The following FOXK1 variants were observed in gnomAD, a reference collection of about 807,000 sequenced individuals.
The protein encoded by FOXK1 is forkhead box K1, also known as forkhead box protein K1.
A neutral mutation model predicts 51.9 loss-of-function variants in FOXK1; 19 were observed. The ratio of observed to expected loss-of-function variants is 0.37; its 90% CI spans 0.26 to 0.54. FOXK1 has a LOEUF of 0.54. Ranked by LOEUF, FOXK1 falls within the 20% of genes least tolerant of loss-of-function variation. The pLI, the probability that FOXK1 is intolerant of heterozygous loss-of-function variation, is 0.87. For missense variants in FOXK1, 870 were observed against 1,032.7 expected, an observed-to-expected ratio of 0.84 and a Z score of 2.16; for synonymous variants, 537 against 482.6, an observed-to-expected ratio of 1.11 and a Z score of -1.48.
At position 4,757,089 on chromosome 7, in the gene FOXK1, C is replaced by T. The variant is rs1396783495; in HGVS notation, c.1146C>T (p.Asp382=). 2 of 1,613,756 alleles carry T rather than the reference C, an allele frequency of 1.2e-6. No homozygotes were observed. The highest frequency in any genetic ancestry group is 2.2e-5 in the East Asian group (1 of 44,880). ...GGAAGGGGTCCTTTTGGCGAATAGA[C>T]CCTGCCTCTGAAGCCAAGCTCGTGG... ...EPGKGSFWRI[D]PASEAKLVEQ... Residue 382 remains aspartate (D), a synonymous_variant, in exon 5 of 9, where the codon GAC becomes GAT. Transcript: ENST00000328914.
chr7:4,765,506 G>A lies in FOXK1; in HGVS notation c.*3042G>A, dbSNP rs11976296. Reference sequence around the variant, plus strand: ...AGGTTCTCAAGGGTGAGCTGACCCGGGCAATGTGCAGGAATGTGGGGAGCA... The same window carrying A: ...AGGTTCTCAAGGGTGAGCTGACCCGAGCAATGTGCAGGAATGTGGGGAGCA... On this transcript the variant is annotated 3_prime_UTR_variant, in exon 9 of 9. Transcript: ENST00000328914. 23,097 of 152,410 alleles carry A rather than the reference G, an allele frequency of 0.15. 4,144 individuals carry two copies. Among genetic ancestry groups the A allele is most frequent in the African/African-American group, 0.44 (18,147 of 41,502 alleles). The allele number at this position is 152,410 out of a possible 1,614,324, so 9.4% of individuals were successfully genotyped here. A position where few individuals can be genotyped will look rare whatever the true frequency, so the allele number is the denominator to read the frequency against.
chr7:4,760,306 G>A (rs1780914641), intron 7 of FOXK1, among the ~76,000 whole-genome samples: 1 of 152,154 alleles, frequency 6.6e-6, no homozygotes, highest in Non-Finnish European at 1.5e-5. Flanking sequence ...GGCTTGACGG[G>A]GTAGACACTG....
intron 3 of FOXK1, chr7:4,754,996 A>C (rs1394904291): frequency 1.7e-6 from 1 of 574,968 alleles, no homozygotes; most frequent in Non-Finnish European, 3.1e-6. Context: ...TTTCTGGAAG[A>C]GGTGAGAAAT....
intron 1 of FOXK1, among the ~76,000 whole-genome samples, chr7:4,685,443 T>C (rs1779807053): frequency 1.3e-5 from 2 of 151,856 alleles, no homozygotes; most frequent in Non-Finnish European, 2.9e-5. Flanking sequence ...CTCGATCTCC[T>C]GACCTCGTGA....
At chr7:4,737,473 TGC>T (rs1343268958) in intron 1 of FOXK1, among the ~76,000 whole-genome samples, 1 of 150,598 alleles carries the variant, frequency 6.6e-6, no homozygotes, top group Non-Finnish European at 1.5e-5. Flanking sequence ...TGTGTGTGTG[TGC>T]GTGGGTGTGG....
At position 4,722,162 on chromosome 7, in the gene FOXK1, C is replaced by T. The variant is rs959357012; in HGVS notation, c.561-18676C>T. Among the ~76,000 whole-genome samples the T allele has an allele frequency of 3.5e-4, 53 of 152,122 alleles. No individual in the cohort carries two copies. Among genetic ancestry groups the T allele is most frequent in the African/African-American group, 1.2e-3 (50 of 41,424 alleles). ...CATCCTGCCCTGATTCAGAAGATGG[C>T]GGGGCAGGAGGTGTCTGTGTCTCAG... On this transcript the variant is annotated intron_variant, in intron 1 of 8. Coordinates refer to ENST00000328914, the MANE Select transcript of FOXK1 (RefSeq NM_001037165.2). This position sits in a 1 kb window ranked among gnomAD's most constrained non-coding sequence, Gnocchi z 5.1.
In FOXK1 at chr7:4,709,444, T is replaced by C. The variant is rs189507734; in HGVS notation, c.560+26576T>C. Reference sequence around the variant, plus strand: ...GCACAGTCCACATAGGCTGCTTATCTGGACTCGATGTCTCCGAGCAGATCG... The same window carrying C: ...GCACAGTCCACATAGGCTGCTTATCCGGACTCGATGTCTCCGAGCAGATCG... On this transcript the variant is annotated intron_variant, in intron 1 of 8. Coordinates refer to ENST00000328914, the MANE Select transcript of FOXK1 (RefSeq NM_001037165.2). The surrounding 1 kb of genome is among the most constrained non-coding windows in gnomAD (Gnocchi z 5.6). 3.9e-5 allele frequency among the ~76,000 whole-genome samples: 6 copies of C among 152,300 alleles called. No individual in the cohort carries two copies. The highest frequency in any genetic ancestry group is 8.8e-5 in the Non-Finnish European group (6 of 68,024).
rs967578304 is a variant in FOXK1 at position 4,711,345 on chromosome 7, T to A, written c.560+28477T>A. 1.3e-5 allele frequency among the ~76,000 whole-genome samples: 2 copies of A among 151,914 alleles called. No homozygotes were observed. Among genetic ancestry groups the A allele is most frequent in the African/African-American group, 4.8e-5 (2 of 41,326 alleles). On this transcript the variant is annotated intron_variant, in intron 1 of 8. Transcript: ENST00000328914. This position sits in a 1 kb window ranked among gnomAD's most constrained non-coding sequence, Gnocchi z 6.3. Reference sequence around the variant, plus strand: ...GGCGCAGTAATAAACACGCCCAGAGTGGAAGGGCTTCCTGTGAGAGGGTGT... The same window carrying A: ...GGCGCAGTAATAAACACGCCCAGAGAGGAAGGGCTTCCTGTGAGAGGGTGT...
intron 1 of FOXK1, among the ~76,000 whole-genome samples, chr7:4,699,493 G>T (rs1562370440): frequency 6.6e-6 from 1 of 151,762 alleles, no homozygotes; most frequent in South Asian, 2.1e-4. Flanking sequence ...TCAGCCTCCC[G>T]AGTAGCTGGG....
intron 1 of FOXK1, among the ~76,000 whole-genome samples, chr7:4,740,059 C>T (rs547033844): frequency 7.5e-4 from 114 of 152,274 alleles, no homozygotes; most frequent in African/African-American, 2.6e-3. Flanking sequence ...GTTTGGGAGG[C>T]TGAGGCAGGT....
At chr7:4,728,365 C>T (rs1227576581) in intron 1 of FOXK1, among the ~76,000 whole-genome samples, 2 of 152,180 alleles carry the variant, frequency 1.3e-5, no homozygotes, top group South Asian at 2.1e-4. Flanking sequence ...CGGGGTTGTC[C>T]GGCTGCGGCT....
intron 1 of FOXK1, among the ~76,000 whole-genome samples, chr7:4,701,398 C>T (rs1326849637): frequency 2.0e-5 from 3 of 152,086 alleles, no homozygotes; most frequent in Middle Eastern, 3.2e-3. Flanking sequence ...AGCCACCGTG[C>T]CCAGCCAATT....
Position 4,743,280 on chromosome 7 carries a change from C to T in FOXK1, c.746+2257C>T, listed in dbSNP as rs1194360984. On this transcript the variant is annotated intron_variant, in intron 2 of 8. Coordinates refer to ENST00000328914, the MANE Select transcript of FOXK1 (RefSeq NM_001037165.2). This position sits in a 1 kb window ranked among gnomAD's most constrained non-coding sequence, Gnocchi z 5.3. ...CTTTAAAGAGTGAACTGGCCGGGCG[C>T]GGTGGCTCACACTGGTAATGCCAGC... is the stretch of plus-strand genomic sequence containing the variant. 1.3e-5 allele frequency among the ~76,000 whole-genome samples: 2 copies of T among 152,182 alleles called. No individual in the cohort carries two copies. Among genetic ancestry groups the T allele is most frequent in the Non-Finnish European group, 2.9e-5 (2 of 68,046 alleles).
At chr7:4,725,652 C>T (rs1466138026) in intron 1 of FOXK1, among the ~76,000 whole-genome samples, 1 of 152,276 alleles carries the variant, frequency 6.6e-6, no homozygotes, top group Non-Finnish European at 1.5e-5. Flanking sequence ...GGGAGCTCTA[C>T]TGCTTGGCAG....
At chr7:4,725,232 AT>A (rs1442878763) in intron 1 of FOXK1, among the ~76,000 whole-genome samples, 1 of 152,194 alleles carries the variant, frequency 6.6e-6, no homozygotes, top group African/African-American at 2.4e-5. Flanking sequence ...CCTCTTGAGA[AT>A]AGCAGTGCCC....
At position 4,762,024 on chromosome 7, in the gene FOXK1, A is replaced by G. The variant is rs1780938980; in HGVS notation, c.1922-160A>G. 6.6e-6 allele frequency among the ~76,000 whole-genome samples: 1 copy of G among 152,012 alleles called. No homozygotes were observed. The highest frequency in any genetic ancestry group is 6.5e-5 in the Admixed American group (1 of 15,274). On this transcript the variant is annotated intron_variant, in intron 8 of 8. Transcript: ENST00000328914. The surrounding 1 kb of genome is among the most constrained non-coding windows in gnomAD (Gnocchi z 5.7). Reference sequence around the variant, plus strand: ...GCAGATGAGGTGGGGAGGGGACGGCAGGGCCCGCAGGGAGCAGAGCAAGGG... The same window carrying G: ...GCAGATGAGGTGGGGAGGGGACGGCGGGGCCCGCAGGGAGCAGAGCAAGGG...
At position 4,762,096 on chromosome 7, in the gene FOXK1, G is replaced by C; in HGVS notation, c.1922-88G>C. ...GTGCACTGACCTCCGGTTCCGGCTT[G>C]GTGGCTTAGCCCCTGTATAGGGGAC... is the stretch of plus-strand genomic sequence containing the variant. On this transcript the variant is annotated intron_variant, in intron 8 of 8. Coordinates refer to ENST00000328914, the MANE Select transcript of FOXK1 (RefSeq NM_001037165.2). This position sits in a 1 kb window ranked among gnomAD's most constrained non-coding sequence, Gnocchi z 5.7. 2 of 1,435,954 alleles carry C rather than the reference G, an allele frequency of 1.4e-6. No homozygotes were observed. Among genetic ancestry groups the C allele is most frequent in the East Asian group, 5.0e-5 (2 of 39,786 alleles). 89.0% of individuals were successfully genotyped at this position (1,435,954 alleles called of 1,614,324 possible). A position where few individuals can be genotyped will look rare whatever the true frequency, so the allele number is the denominator to read the frequency against.
Position 4,767,517 on chromosome 7 carries a change from C to T in FOXK1, c.*5053C>T, listed in dbSNP as rs1344844119. 1 of 152,240 alleles carries T rather than the reference C, an allele frequency of 6.6e-6. No individual in the cohort carries two copies. Among genetic ancestry groups the T allele is most frequent in the Non-Finnish European group, 1.5e-5 (1 of 68,056 alleles). The allele number at this position is 152,240 out of a possible 1,614,324, so 9.4% of individuals were successfully genotyped here. On this transcript the variant is annotated 3_prime_UTR_variant, in exon 9 of 9. Coordinates refer to ENST00000328914, the MANE Select transcript of FOXK1 (RefSeq NM_001037165.2). This position sits in a 1 kb window ranked among gnomAD's most constrained non-coding sequence, Gnocchi z 6.6. ...TATTTAATGAGAATACTTTACATTG[C>T]TCACATGTGCTGCTATGAAGACAGG...
intron 1 of FOXK1, among the ~76,000 whole-genome samples, chr7:4,718,260 G>A (rs887529532): frequency 6.6e-6 from 1 of 152,222 alleles, no homozygotes; most frequent in Non-Finnish European, 1.5e-5. Context: ...CTCTGCGACC[G>A]CCACCTCGGT....
Sources: allele counts gnomAD v4.1 joint callset (sites outside exome capture counted in the v4.1 genomes callset), GRCh38; gene constraint gnomAD v4.1.1; non-coding constraint Gnocchi (gnomAD v3.1); transcripts MANE v1.5; gene names NCBI Gene and HGNC (gene_info 2026-07-23, HGNC 2026-07-21).